FAM83H: variants seen among roughly 807,000 people sequenced by gnomAD.
FAM83H encodes the protein scaffolding CK1 anchoring protein H.
In FAM83H, 24 loss-of-function variants were observed where a neutral mutation model predicts 30.2. That is an observed-to-expected ratio of 0.79 (90% CI 0.57 to 1.12). The LOEUF (loss-of-function observed/expected upper bound fraction) is 1.12, where lower values mean the gene tolerates loss of function less well. Ranked by LOEUF, FAM83H falls within the 50% of genes most tolerant of loss-of-function variation. The pLI is 0.00. For missense variants in FAM83H, 2,038 were observed against 1,773.9 expected (o/e 1.15, Z -2.67); for synonymous variants, 1,013 against 821.7 (o/e 1.23, Z -3.98).
rs1431826825 is a variant in FAM83H at position 143,725,165 on chromosome 8, G to GA, written c.*755_*756insT. ...CGGGGGAGGGGGGAGACGGGGGGGG[G>GA]GGGGGGGGAGGGAAGGAGGAGACCT... On this transcript the variant is annotated 3_prime_UTR_variant, in exon 5 of 5. Transcript: ENST00000388913. The GA allele has an allele frequency of 3.4e-4, 32 of 93,406 alleles. 2 individuals are homozygous for GA. Among genetic ancestry groups the GA allele is most frequent in the African/African-American group, 1.1e-3 (32 of 29,202 alleles). 5.8% of individuals were successfully genotyped at this position (93,406 alleles called of 1,614,324 possible).
Position 143,726,556 on chromosome 8 carries a change from G to C in FAM83H, c.2905C>G (p.Leu969Val), listed in dbSNP as rs1010837062. The change falls in exon 5 of 5, where the codon CTT becomes GTT. Residue 969 changes from leucine to valine, a missense_variant. Transcript: ENST00000388913. ...MEVLRKGSLR[L>V]RQLLSPKGER... ...CCCTTGGGGCTCAGCAGCTGCCTAA[G>C]ACGCAAGGAGCCTTTGCGCAGGACT... is the stretch of plus-strand genomic sequence containing the variant. 8 of 1,603,806 alleles carry C rather than the reference G, an allele frequency of 5.0e-6. No homozygotes were observed. Among genetic ancestry groups the C allele is most frequent in the East Asian group, 4.5e-5 (2 of 44,834 alleles).
At chr8:143,731,806 C>T (rs1818530676) in intron 1 of FAM83H, 2 of 985,492 alleles carry the variant, frequency 2.0e-6, no homozygotes, top group Non-Finnish European at 2.4e-6. Context: ...GGCTGCCCCA[C>T]AGCCCACTCT....
Position 143,727,600 on chromosome 8 carries a change from G to T in FAM83H, c.1861C>A (p.Pro621Thr). ...GCCGAGGGGAGCAGGTCGCCGGCAG[G>T]TGCCCGGCCCCCGGGAGCCAGCACG... The part of the protein sequence containing the change: ...DDVLAPGGRA[P>T]AGDLLPSAFR... Residue 621 changes from proline (P) to threonine (T), a missense_variant, in exon 5 of 5, where the codon CCT becomes ACT. Physicochemically the swap from Pro to Thr is conservative, Grantham distance 38. Transcript: ENST00000388913. 1 of 1,581,882 alleles carries T rather than the reference G, an allele frequency of 6.3e-7. No homozygotes were observed. The highest frequency in any genetic ancestry group is 2.3e-5 in the East Asian group (1 of 43,904).
Position 143,731,302 on chromosome 8 carries a change from G to C in FAM83H, c.-15-705C>G, listed in dbSNP as rs1818513130. ...TCCGTCTCTGACTGCCTGGGAGACT[G>C]TGGGTAGGTCACTGCACCTCTCTGG... is the stretch of plus-strand genomic sequence containing the variant. On this transcript the variant is annotated intron_variant, in intron 1 of 4. Transcript: ENST00000388913. 3 of 983,110 alleles carry C rather than the reference G, an allele frequency of 3.1e-6. No individual in the cohort carries two copies. The African/African-American group carries it at 5.3e-5, about 17-fold the overall frequency. The allele number at this position is 983,110 out of a possible 1,614,324, so 60.9% of individuals were successfully genotyped here.
At chr8:143,729,444 C>T in intron 2 of FAM83H, 121 bp from the exon 3 acceptor site, 1 of 1,139,240 alleles carries the variant, frequency 8.8e-7, no homozygotes, top group Middle Eastern at 2.6e-4. Flanking sequence ...ACAAGCTAGT[C>T]CATCCTAGGG....
rs2129681340 is a variant in FAM83H, at chr8:143,728,871, G to C, written c.737+96C>G. 3 of 1,603,684 alleles carry C rather than the reference G, an allele frequency of 1.9e-6. No individual in the cohort carries two copies. The East Asian group carries it at 6.7e-5, about 36-fold the overall frequency. ...GGCTGTGCAGGGGTCTACAGGACAAGGGCTCCTGGCGAGGAGGGCCCTGGT... is the reference window on the plus strand; with the variant it reads ...GGCTGTGCAGGGGTCTACAGGACAACGGCTCCTGGCGAGGAGGGCCCTGGT... On this transcript the variant is annotated intron_variant, in intron 4 of 4. Transcript: ENST00000388913.
At position 143,727,230 on chromosome 8, in the gene FAM83H, G is replaced by A. The variant is rs1023737852; in HGVS notation, c.2231C>T (p.Pro744Leu). 3 of 1,534,408 alleles carry A rather than the reference G, an allele frequency of 2.0e-6. No homozygotes were observed. Among genetic ancestry groups the A allele is most frequent in the Non-Finnish European group, 2.6e-6 (3 of 1,146,038 alleles). Residue 744 changes from proline (P) to leucine (L), a missense_variant, in exon 5 of 5, where the codon CCA (proline) becomes CTA (leucine). Coordinates refer to ENST00000388913, the MANE Select transcript of FAM83H (RefSeq NM_198488.5). The stretch of plus-strand genomic sequence containing the variant: ...CGCGCCGCCGCCGGGATCACGGGCT[G>A]GGCCCTTGTACTTCTCCAGCAGCTC... The part of the protein sequence containing the change: ...VAELLEKYKG[P>L]ARDPGGGAGA...
At position 143,726,393 on chromosome 8, in the gene FAM83H, A is replaced by G; in HGVS notation, c.3068T>C (p.Leu1023Pro). 6.2e-7 allele frequency: 1 copy of G among 1,608,502 alleles called. No homozygotes were observed. Residue 1023 changes from leucine to proline, a missense_variant, in exon 5 of 5, where the codon CTG becomes CCG. By Grantham distance (98) the Leu-to-Pro change is moderately conservative. Transcript: ENST00000388913. ...ATEERGPRAR[L>P]SSATANALYS... The stretch of plus-strand genomic sequence containing the variant: ...CAAGGCGTTGGCCGTGGCTGAGGAC[A>G]GGCGCGCCCGCGGACCCCGCTCTTC...
chr8:143,725,821 G>A lies in FAM83H; in HGVS notation c.*100C>T, dbSNP rs1174624942. 3 of 1,544,436 alleles carry A rather than the reference G, an allele frequency of 1.9e-6. No homozygotes were observed. The highest frequency in any genetic ancestry group is 2.1e-4 in the Middle Eastern group (1 of 4,866). On this transcript the variant is annotated 3_prime_UTR_variant, in exon 5 of 5. Transcript: ENST00000388913. ...CCCAAGCGGCCGTGGCCTGACAGCC[G>A]CTGCTCAAGCAGATGAGCAGGGCTC...
rs372119850 is a variant in FAM83H at position 143,732,283 on chromosome 8, G to A, written c.-16+1408C>T. ...CCCAACATTTCTTTGTTGGGGCACC[G>A]TCCTCATGGTTGACATATGGGGCTG... On this transcript the variant is annotated intron_variant, in intron 1 of 4. Coordinates refer to ENST00000388913, the MANE Select transcript of FAM83H (RefSeq NM_198488.5). 43 of 985,396 alleles carry A rather than the reference G, an allele frequency of 4.4e-5. No homozygotes were observed. The East Asian group carries it at 1.7e-3, about 39-fold the overall frequency. The allele number at this position is 985,396 out of a possible 1,614,324, so 61.0% of individuals were successfully genotyped here. A position where few individuals can be genotyped will look rare whatever the true frequency, so the allele number is the denominator to read the frequency against.
intron 1 of FAM83H, chr8:143,732,476 G>A (rs1259891818): frequency 2.0e-6 from 2 of 985,242 alleles, no homozygotes; most frequent in African/African-American, 3.5e-5. Flanking sequence ...TGCTGATGTT[G>A]TTTGAGGGTA....
In FAM83H at chr8:143,727,981, C is replaced by T. The variant is rs781996317; in HGVS notation, c.1480G>A (p.Gly494Arg). 4 of 1,578,246 alleles carry T rather than the reference C, an allele frequency of 2.5e-6. No individual in the cohort carries two copies. In the South Asian group the frequency reaches 3.4e-5, roughly 13 times the overall value. ...GGTCCGAGCTCCGGGAAGCGGGGCCCGGCGCCCAGGGTGAAGTCATCCGGG... is the reference window on the plus strand; with the variant it reads ...GGTCCGAGCTCCGGGAAGCGGGGCCTGGCGCCCAGGGTGAAGTCATCCGGG... Reference protein sequence around the residue: ...ADPDDFTLGAGPRFPELGPDG... With the variant: ...ADPDDFTLGARPRFPELGPDG... The change falls in exon 5 of 5, where the codon GGG becomes AGG. Residue 494 changes from glycine (G) to arginine (R), a missense_variant. Physicochemically the swap from Gly to Arg is moderately radical, Grantham distance 125. Transcript: ENST00000388913.
At position 143,733,463 on chromosome 8, in the gene FAM83H, C is replaced by G. The variant is rs1183896814; in HGVS notation, c.-16+228G>C. On this transcript the variant is annotated intron_variant, in intron 1 of 4. Transcript: ENST00000388913. This position sits in a 1 kb window ranked among gnomAD's most constrained non-coding sequence, Gnocchi z 5.6. ...CCCTCGGCTCTTTTCGGGCCGGCGTCGTGCGGGGGCGCTCGCGTCCATATC... is the reference window on the plus strand; with the variant it reads ...CCCTCGGCTCTTTTCGGGCCGGCGTGGTGCGGGGGCGCTCGCGTCCATATC... 6.6e-6 allele frequency among the ~76,000 whole-genome samples: 1 copy of G among 152,096 alleles called. No homozygotes were observed. Among genetic ancestry groups the G allele is most frequent in the Admixed American group, 6.5e-5 (1 of 15,276 alleles).
rs1328756232 is a variant in FAM83H at position 143,725,801 on chromosome 8, G to T, written c.*120C>A. The T allele has an allele frequency of 3.3e-6, 5 of 1,515,330 alleles. No homozygotes were observed. The African/African-American group carries it at 5.5e-5, about 17-fold the overall frequency. The allele number at this position is 1,515,330 out of a possible 1,614,324, so 93.9% of individuals were successfully genotyped here. A position where few individuals can be genotyped will look rare whatever the true frequency, so the allele number is the denominator to read the frequency against. On this transcript the variant is annotated 3_prime_UTR_variant, in exon 5 of 5. Coordinates refer to ENST00000388913, the MANE Select transcript of FAM83H (RefSeq NM_198488.5). ...TCTGGCGCACTCAGCCAAGCCCCAAGCGGCCGTGGCCTGACAGCCGCTGCT... is the reference window on the plus strand; with the variant it reads ...TCTGGCGCACTCAGCCAAGCCCCAATCGGCCGTGGCCTGACAGCCGCTGCT...
rs1407841878 is a variant in FAM83H at position 143,733,151 on chromosome 8, A to G, written c.-16+540T>C. On this transcript the variant is annotated intron_variant, in intron 1 of 4. Coordinates refer to ENST00000388913, the MANE Select transcript of FAM83H (RefSeq NM_198488.5). The surrounding 1 kb of genome is among the most constrained non-coding windows in gnomAD (Gnocchi z 5.6). The stretch of plus-strand genomic sequence containing the variant: ...TTGCGGAGTGGGCACCCCAGCCCCC[A>G]ACGGGGTCAGTGCACCCTACGAGCT... 2 of 153,928 alleles carry G rather than the reference A, an allele frequency of 1.3e-5. No individual in the cohort carries two copies. Among genetic ancestry groups the G allele is most frequent in the Admixed American group, 1.3e-4 (2 of 15,288 alleles). 9.5% of individuals were successfully genotyped at this position (153,928 alleles called of 1,614,324 possible).
chr8:143,726,182 G>A lies in FAM83H; in HGVS notation c.3279C>T (p.Ile1093=). The change falls in exon 5 of 5, where the codon ATC becomes ATT. Residue 1093 remains isoleucine, a synonymous_variant. Coordinates refer to ENST00000388913, the MANE Select transcript of FAM83H (RefSeq NM_198488.5). ...DMSDKDKCSA[I]FRSDSLGTQG... ...GGGTCCCCAAGCTGTCCGAGCGGAAGATGGCTGAACACTTGTCCTTGTCGG... is the reference window on the plus strand; with the variant it reads ...GGGTCCCCAAGCTGTCCGAGCGGAAAATGGCTGAACACTTGTCCTTGTCGG... 1.2e-6 allele frequency: 2 copies of A among 1,612,398 alleles called. No individual in the cohort carries two copies. Among genetic ancestry groups the A allele is most frequent in the Non-Finnish European group, 1.7e-6 (2 of 1,179,758 alleles).
intron 2 of FAM83H, 81 bp downstream of exon 2, chr8:143,730,055 A>T: frequency 5.5e-6 from 7 of 1,282,998 alleles, no homozygotes; most frequent in Non-Finnish European, 7.3e-6. Flanking sequence ...CCTCAAGCTG[A>T]TCATGCTCAT....
chr8:143,727,613 G>A lies in FAM83H; in HGVS notation c.1848C>T (p.Pro616=), dbSNP rs200137113. 1.0e-3 allele frequency: 1,646 copies of A among 1,579,894 alleles called. 19 individuals are homozygous for A. In the African/African-American group the frequency reaches 0.02, roughly 19 times the overall value. The change falls in exon 5 of 5, where the codon CCC becomes CCT. Residue 616 remains proline (P), a synonymous_variant. Transcript: ENST00000388913. ...AEAYEDDVLA[P]GGRAPAGDLL... The stretch of plus-strand genomic sequence containing the variant: ...GGTCGCCGGCAGGTGCCCGGCCCCC[G>A]GGAGCCAGCACGTCGTCTTCGTAAG...
chr8:143,726,468 C>A lies in FAM83H; in HGVS notation c.2993G>T (p.Ser998Ile), dbSNP rs1308990944. Residue 998 changes from serine to isoleucine, a missense_variant, in exon 5 of 5, where the codon AGC (serine) becomes ATC (isoleucine). Transcript: ENST00000388913. ...CTGGCCCAGTGACAGACGCCGCGGG[C>A]TCTCGGGTTGGCCGTTCTCCTGCGG... ...PVPQENGQPE[S>I]PRRLSLGQGD... 1.2e-6 allele frequency: 2 copies of A among 1,603,502 alleles called. No homozygotes were observed. The highest frequency in any genetic ancestry group is 2.2e-5 in the South Asian group (2 of 90,396).
Sources: allele counts gnomAD v4.1 joint callset (sites outside exome capture counted in the v4.1 genomes callset), GRCh38; gene constraint gnomAD v4.1.1; non-coding constraint Gnocchi (gnomAD v3.1); transcripts MANE v1.5; gene names NCBI Gene and HGNC (gene_info 2026-07-23, HGNC 2026-07-21).